The following OSBPL10 variants were observed in gnomAD, a reference collection of about 807,000 sequenced individuals.
OSBPL10 encodes the protein oxysterol binding protein like 10.
Under a neutral mutation model 81.7 loss-of-function variants are expected in OSBPL10, and 49 were observed. The ratio of observed to expected loss-of-function variants is 0.60; its 90% CI spans 0.48 to 0.76. OSBPL10 has a LOEUF of 0.76. OSBPL10 is among the 30% of genes least tolerant of loss of function. The probability of loss-of-function intolerance (pLI) is 0.00; values close to 1 mark genes in which losing one functional copy is unlikely to be tolerated. For missense variants in OSBPL10, 923 were observed against 987.8 expected, an observed-to-expected ratio of 0.93 and a Z score of 0.88; for synonymous variants, 419 against 383.6, an observed-to-expected ratio of 1.09 and a Z score of -1.08.
chr3:31,900,868 A>G (rs935936893), intron 1 of OSBPL10, among the ~76,000 whole-genome samples: 1 of 152,198 alleles, frequency 6.6e-6, no homozygotes, highest in Non-Finnish European at 1.5e-5. Context: ...TTTTACCATT[A>G]AGTATGATGT....
At chr3:32,065,997 AAGAAAGAAAG>A (rs1211881685) in intron 1 of OSBPL10, among the ~76,000 whole-genome samples, 2 of 61,040 alleles carry the variant, frequency 3.3e-5, no homozygotes, top group African/African-American at 7.9e-5. Flanking sequence ...GAAAGAAAGA[AAGAAAGAAAG>A]AGAAAGAAAG....
intron 4 of OSBPL10, among the ~76,000 whole-genome samples, chr3:31,810,594 G>A (rs1023200188): frequency 3.9e-5 from 6 of 152,004 alleles, no homozygotes; most frequent in African/African-American, 1.4e-4. Flanking sequence ...AAAACTCCTG[G>A]AAACCAATAA....
chr3:31,950,084 G>C (rs1391662370), intron 1 of OSBPL10, among the ~76,000 whole-genome samples: 2 of 152,154 alleles, frequency 1.3e-5, no homozygotes, highest in East Asian at 3.8e-4. Context: ...GACTGTTTCT[G>C]CCAGTAAACT....
At chr3:31,998,779 G>C (rs929242622) in intron 2 of OSBPL10, among the ~76,000 whole-genome samples, 4 of 152,108 alleles carry the variant, frequency 2.6e-5, no homozygotes, top group Non-Finnish European at 4.4e-5. Context: ...ACGTCTATTG[G>C]TTTTTCTGTC....
intron 8 of OSBPL10, among the ~76,000 whole-genome samples, chr3:31,676,947 C>A (rs1700493470): frequency 6.6e-6 from 1 of 152,040 alleles, no homozygotes; most frequent in Admixed American, 6.6e-5. Context: ...TCTCTGGGGT[C>A]AACGTGAGTG....
intron 4 of OSBPL10, among the ~76,000 whole-genome samples, chr3:31,768,080 G>A (rs1698256961): frequency 6.6e-6 from 1 of 152,172 alleles, no homozygotes; most frequent in Admixed American, 6.5e-5. Context: ...GGAAAGGGGT[G>A]GGGAATTCCC....
At chr3:31,778,212 G>A (rs1698596368) in intron 4 of OSBPL10, among the ~76,000 whole-genome samples, 1 of 152,198 alleles carries the variant, frequency 6.6e-6, no homozygotes, top group Non-Finnish European at 1.5e-5. Flanking sequence ...CTTGCCAACT[G>A]TGTGGGAACT....
intron 4 of OSBPL10, among the ~76,000 whole-genome samples, chr3:31,826,512 T>A (rs1700103332): frequency 6.6e-6 from 1 of 152,204 alleles, no homozygotes; most frequent in Non-Finnish European, 1.5e-5. Context: ...TAGCTTTCCA[T>A]TTACTGTTTA....
At chr3:31,986,665 T>C (rs1219939518) in intron 2 of OSBPL10, among the ~76,000 whole-genome samples, 1 of 152,180 alleles carries the variant, frequency 6.6e-6, no homozygotes, top group Admixed American at 6.5e-5. Context: ...TATTTATTAT[T>C]ATTTTATTAA....
Position 31,869,205 on chromosome 3 carries a change from G to C in OSBPL10, c.537+7228C>G, listed in dbSNP as rs994306795. ...GATATCATCATTTCAAAGATGAGGA[G>C]ACAGAGGTTCAGAAAGTACAAAAAA... On this transcript the variant is annotated intron_variant, in intron 3 of 11. Transcript: ENST00000396556. 4.6e-5 allele frequency among the ~76,000 whole-genome samples: 7 copies of C among 151,310 alleles called. No homozygotes were observed. In the East Asian group the frequency reaches 1.2e-3, roughly 25 times the overall value.
intron 4 of OSBPL10, among the ~76,000 whole-genome samples, chr3:31,786,956 A>ATG (rs1698875971): frequency 6.6e-6 from 1 of 152,200 alleles, no homozygotes; most frequent in Non-Finnish European, 1.5e-5. Context: ...ATTTCAGGCA[A>ATG]ATGATTTAAG....
At chr3:32,056,874 C>A (rs992059131) in intron 1 of OSBPL10, among the ~76,000 whole-genome samples, 1 of 152,160 alleles carries the variant, frequency 6.6e-6, no homozygotes, top group African/African-American at 2.4e-5. Context: ...CATAAAGATA[C>A]ACAAGACACA....
At position 31,735,154 on chromosome 3, in the gene OSBPL10, G is replaced by A. The variant is rs944975339; in HGVS notation, c.941-1743C>T. 3.9e-5 allele frequency among the ~76,000 whole-genome samples: 6 copies of A among 152,202 alleles called. No individual in the cohort carries two copies. The East Asian group carries it at 1.2e-3, about 29-fold the overall frequency. On this transcript the variant is annotated intron_variant, in intron 5 of 11. Transcript: ENST00000396556. ...CTCTACTGTTAAAAGCCTCAAGTGG[G>A]CCAGACACGGTGGCTCCCACCTGTA...
intron 5 of OSBPL10, among the ~76,000 whole-genome samples, chr3:31,741,128 C>A (rs1697334670): frequency 6.6e-6 from 1 of 152,184 alleles, no homozygotes; most frequent in African/African-American, 2.4e-5. Flanking sequence ...TGAATTCATG[C>A]TTCCCAGGTT....
chr3:31,791,655 T>A (rs553820654), intron 4 of OSBPL10, among the ~76,000 whole-genome samples: 1 of 152,100 alleles, frequency 6.6e-6, no homozygotes. Context: ...TGTTTTTTTT[T>A]TCCACAAAGC....
At chr3:31,787,552 G>A (rs181663115) in intron 4 of OSBPL10, among the ~76,000 whole-genome samples, 129 of 149,700 alleles carry the variant, frequency 8.6e-4, no homozygotes, top group African/African-American at 2.7e-3. Flanking sequence ...CCGAGATTGC[G>A]CCACTGCACT....
intron 4 of OSBPL10, among the ~76,000 whole-genome samples, chr3:31,800,016 C>A (rs893344711): frequency 2.6e-5 from 4 of 152,150 alleles, no homozygotes; most frequent in African/African-American, 4.8e-5. Context: ...CCCCAAAGTG[C>A]ATTTTTAAAT....
At chr3:31,881,230 G>A (rs946583326) in intron 1 of OSBPL10, among the ~76,000 whole-genome samples, 40 of 152,122 alleles carry the variant, frequency 2.6e-4, no homozygotes, top group Non-Finnish European at 5.9e-4. Context: ...CCTCCCCACA[G>A]CGCCCAGCAG....
At chr3:31,917,002 C>G (rs555921683) in intron 1 of OSBPL10, among the ~76,000 whole-genome samples, 1 of 152,044 alleles carries the variant, frequency 6.6e-6, no homozygotes, top group African/African-American at 2.4e-5. Context: ...TCAAGCCTCT[C>G]CAAAAGCATT....
Sources: gnomAD v4.1 joint callset for allele counts (sites outside exome capture counted in the v4.1 genomes callset) on GRCh38, gnomAD v4.1.1 for gene constraint, MANE v1.5 for transcripts, NCBI Gene and HGNC (gene_info 2026-07-23, HGNC 2026-07-21) for gene names.